The following ZFHX3 variants were observed in gnomAD, a reference collection of about 807,000 sequenced individuals.
ZFHX3 encodes zinc finger homeobox protein 3.
A neutral mutation model predicts 279.1 loss-of-function variants in ZFHX3; 42 were observed. The ratio of observed to expected loss-of-function variants is 0.15; its 90% CI spans 0.12 to 0.19. The LOEUF is 0.19. ZFHX3 is among the 10% of genes least tolerant of loss of function. The probability of loss-of-function intolerance (pLI) is 1.00; values close to 1 mark genes in which losing one functional copy is unlikely to be tolerated. For missense variants in ZFHX3, 4,981 were observed against 4,754.0 expected (o/e 1.05, Z -1.40); for synonymous variants, 2,293 against 1,957.8 (o/e 1.17, Z -4.52).
At chr16:73,091,129 T>G (rs1357314657) in intron 8 of ZFHX3, among the ~76,000 whole-genome samples, 2 of 149,700 alleles carry the variant, frequency 1.3e-5, no homozygotes, top group African/African-American at 5.0e-5. Context: ...AAGAATGGCA[T>G]GAACCCGGGA....
At chr16:73,160,136 CAAT>C (rs1967193548) in intron 5 of ZFHX3, among the ~76,000 whole-genome samples, 2 of 152,182 alleles carry the variant, frequency 1.3e-5, no homozygotes, top group African/African-American at 4.8e-5. Flanking sequence ...AGCTGTTATG[CAAT>C]GGCAGTGCTC....
chr16:73,550,867 C>T (rs781177544), intron 2 of ZFHX3, among the ~76,000 whole-genome samples: 4 of 152,172 alleles, frequency 2.6e-5, no homozygotes, highest in Non-Finnish European at 4.4e-5. Flanking sequence ...TATTACCAAA[C>T]ATCAAATATA....
At chr16:73,741,517 G>A (rs1251140810) in intron 1 of ZFHX3, among the ~76,000 whole-genome samples, 3 of 152,118 alleles carry the variant, frequency 2.0e-5, no homozygotes, top group Non-Finnish European at 2.9e-5. Flanking sequence ...GGAAGAAATT[G>A]TCCGGGTGTT....
At chr16:72,889,065 A>C (rs1212935650) in intron 4 of ZFHX3, among the ~76,000 whole-genome samples, 2 of 139,800 alleles carry the variant, frequency 1.4e-5, no homozygotes, top group Non-Finnish European at 3.1e-5. Context: ...GGGTGGAGGG[A>C]GGGAGGGAGG....
intron 3 of ZFHX3, among the ~76,000 whole-genome samples, chr16:73,452,489 A>G (rs2018294905): frequency 6.6e-6 from 1 of 152,230 alleles, no homozygotes; most frequent in Non-Finnish European, 1.5e-5. Context: ...CTAGGTAGTT[A>G]AATCATTTTC....
At chr16:73,557,856 G>T (rs779897893) in intron 2 of ZFHX3, among the ~76,000 whole-genome samples, 1 of 152,016 alleles carries the variant, frequency 6.6e-6, no homozygotes, top group Non-Finnish European at 1.5e-5. Context: ...GAGTTGCTCT[G>T]GTTCACACAC....
intron 1 of ZFHX3, among the ~76,000 whole-genome samples, chr16:72,964,832 C>G (rs1490423256): frequency 6.6e-6 from 1 of 152,110 alleles, no homozygotes; most frequent in African/African-American, 2.4e-5. Flanking sequence ...AATGGGAAAA[C>G]TGAGGTGGCC....
chr16:72,788,139 C>T lies in ZFHX3; in HGVS notation c.10137G>A (p.Gln3379=). The stretch of plus-strand genomic sequence containing the variant: ...GCTGCTGCTGCTGTAGTTGCCGCTG[C>T]TGCTGCTGCTGAATTGCCTCCTGCA... ...QSLQEAIQQQ[Q]QRQLQQQQQQ... The change falls in exon 10 of 10, where the codon CAG becomes CAA. Residue 3379 remains glutamine, a synonymous_variant. Coordinates refer to ENST00000268489, the MANE Select transcript of ZFHX3 (RefSeq NM_006885.4). 1.2e-6 allele frequency: 2 copies of T among 1,611,478 alleles called. No homozygotes were observed. The highest frequency in any genetic ancestry group is 1.7e-6 in the Non-Finnish European group (2 of 1,179,524).
rs1849754214 is a variant in ZFHX3 at position 72,957,571 on chromosome 16, C to A, written c.2575G>T (p.Ala859Ser). The part of the protein sequence containing the change: ...GLGSLPSPAE[A>S]ELYQYYLAQN... ...GCCAGGTAGTATTGGTAGAGCTCGG[C>A]CTCGGCGGGTGAGGGCAGGCTGCCG... The change falls in exon 2 of 10, where the codon GCC (alanine) becomes TCC (serine). Residue 859 changes from alanine (A) to serine (S), a missense_variant. Ala to Ser is a moderately conservative substitution (Grantham distance 99). Around this residue, in one of 7 missense-constraint regions of ZFHX3, gnomAD observed 1,751 missense variants for 1,770.0 expected, o/e 0.99. Coordinates refer to ENST00000268489, the MANE Select transcript of ZFHX3 (RefSeq NM_006885.4). 6.2e-7 allele frequency: 1 copy of A among 1,613,430 alleles called. No individual in the cohort carries two copies. Among genetic ancestry groups the A allele is most frequent in the African/African-American group, 1.3e-5 (1 of 74,866 alleles).
intron 2 of ZFHX3, among the ~76,000 whole-genome samples, chr16:73,661,662 C>A (rs929867342): frequency 7.0e-6 from 1 of 143,614 alleles, no homozygotes; most frequent in African/African-American, 2.6e-5. Context: ...GTGAAGGTTG[C>A]AGTGAGTTGA....
chr16:72,998,336 G>A (rs1158640242), intron 1 of ZFHX3, among the ~76,000 whole-genome samples: 1 of 152,092 alleles, frequency 6.6e-6, no homozygotes. Flanking sequence ...AGGAGGCAGA[G>A]TTTGTAGTGA....
chr16:73,480,984 G>A (rs181246544), intron 2 of ZFHX3, among the ~76,000 whole-genome samples: 7 of 152,222 alleles, frequency 4.6e-5, no homozygotes, highest in East Asian at 1.9e-4. Context: ...TCAAGGACTC[G>A]GTCTCGGCAA....
intron 5 of ZFHX3, among the ~76,000 whole-genome samples, chr16:72,821,562 G>A (rs1412127296): frequency 1.3e-5 from 2 of 152,136 alleles, no homozygotes; most frequent in Non-Finnish European, 2.9e-5. Context: ...TTTTTCACTT[G>A]TTGTTTGCCT....
In ZFHX3 at chr16:73,369,161, C is replaced by T. The variant is rs565730268; in HGVS notation, c.-1290-50825G>A. Among the ~76,000 whole-genome samples the T allele has an allele frequency of 9.2e-5, 14 of 152,298 alleles. No homozygotes were observed. In the South Asian group the frequency reaches 1.7e-3, roughly 18 times the overall value. ...TGTCTCCTAAAATGCCATTCTATCA[C>T]GCTTAAGCTAACAACTCCAGGCCTG... On this transcript the variant is annotated intron_variant, in intron 3 of 17. Coordinates refer to the ZFHX3 transcript ENST00000641206.
chr16:73,417,920 C>A (rs564828702), intron 3 of ZFHX3, among the ~76,000 whole-genome samples: 73 of 131,212 alleles, frequency 5.6e-4, no homozygotes, highest in African/African-American at 2.0e-3. Flanking sequence ...ACCCAGGAGG[C>A]GGAGCTTGCA....
At chr16:72,955,261 G>A (rs1017102846) in intron 2 of ZFHX3, among the ~76,000 whole-genome samples, 1 of 152,176 alleles carries the variant, frequency 6.6e-6, no homozygotes, top group Admixed American at 6.5e-5. Flanking sequence ...TGACTGAGCT[G>A]GATAAATCCT....
At chr16:72,931,436 CA>C in intron 3 of ZFHX3, among the ~76,000 whole-genome samples, 1 of 146,148 alleles carries the variant, frequency 6.8e-6, no homozygotes, top group Non-Finnish European at 1.5e-5. Context: ...CACACACACA[CA>C]CACACACACA....
At chr16:73,006,069 T>G (rs1963692784) in intron 1 of ZFHX3, 1 of 152,252 alleles carries the variant, frequency 6.6e-6, no homozygotes, top group Admixed American at 6.5e-5. Flanking sequence ...CATCTGGAAA[T>G]AATTTTCTTT....
At chr16:73,352,269 G>C (rs139933899) in intron 3 of ZFHX3, among the ~76,000 whole-genome samples, 2 of 152,302 alleles carry the variant, frequency 1.3e-5, no homozygotes, top group East Asian at 3.9e-4. Flanking sequence ...CAGCAACGCT[G>C]TGTGGAGTTG....
Sources: allele counts gnomAD v4.1 joint callset (sites outside exome capture counted in the v4.1 genomes callset), GRCh38; gene constraint gnomAD v4.1.1; regional missense constraint gnomAD v4.1.1; transcripts MANE v1.5; gene names NCBI Gene and HGNC (gene_info 2026-07-23, HGNC 2026-07-21).